NFIB: variants seen among roughly 807,000 people sequenced by gnomAD.
The protein encoded by NFIB is nuclear factor I B, also known as nuclear factor 1 B-type.
In NFIB, 11 loss-of-function variants were observed where a neutral mutation model predicts 61.5. The ratio of observed to expected loss-of-function variants is 0.18; its 90% CI spans 0.11 to 0.30. The LOEUF is 0.30. Among genes scored for constraint, NFIB ranks in the 10% least tolerant of loss-of-function variants. The pLI, the probability that NFIB is intolerant of heterozygous loss-of-function variation, is 1.00. For synonymous variants in NFIB, 260 were observed against 216.5 expected, an observed-to-expected ratio of 1.20 and a Z score of -1.76; for missense variants, 471 against 608.9, an observed-to-expected ratio of 0.77 and a Z score of 2.38.
At chr9:14,416,677 T>A in the NFIB span, among the ~76,000 whole-genome samples, 9 of 152,016 alleles carry the variant, frequency 5.9e-5, no homozygotes, top group African/African-American at 2.2e-4. Context: ...ATGTTACAAG[T>A]AAGCTAAGAC....
At chr9:14,235,175 G>T (rs2053618258) in intron 2 of NFIB, among the ~76,000 whole-genome samples, 1 of 152,110 alleles carries the variant, frequency 6.6e-6, no homozygotes, top group African/African-American at 2.4e-5. Flanking sequence ...CAGAAAAAAA[G>T]ACTTCACACT....
chr9:14,402,372 T>A (rs558720951), upstream of NFIB, among the ~76,000 whole-genome samples: 274 of 152,362 alleles, frequency 1.8e-3, 1 homozygote, highest in African/African-American at 5.8e-3. Flanking sequence ...CTCTGTACTT[T>A]GCTTCCAGCT....
chr9:14,426,231 A>C, the NFIB span, among the ~76,000 whole-genome samples: 1 of 152,120 alleles, frequency 6.6e-6, no homozygotes, highest in Admixed American at 6.5e-5. Context: ...TAATCTTACT[A>C]ATCACTCCAT....
chr9:14,264,562 T>TA (rs2057043602), intron 2 of NFIB, among the ~76,000 whole-genome samples: 1 of 152,162 alleles, frequency 6.6e-6, no homozygotes. Context: ...GATGAATTTT[T>TA]ATCTATCTGA....
At chr9:14,341,915 A>G (rs1383206143) in intron 1 of NFIB, among the ~76,000 whole-genome samples, 2 of 147,166 alleles carry the variant, frequency 1.4e-5, no homozygotes, top group African/African-American at 5.1e-5. Flanking sequence ...AACATTGCTT[A>G]GCTAGAGAGT....
At chr9:14,403,973 A>G (rs1286261033), upstream of NFIB, among the ~76,000 whole-genome samples, 1 of 152,240 alleles carries the variant, frequency 6.6e-6, no homozygotes, top group Non-Finnish European at 1.5e-5. Flanking sequence ...TTGGATAAAA[A>G]AAATTAACTT....
At chr9:14,322,111 G>C in intron 1 of NFIB, 7 of 1,215,156 alleles carry the variant, frequency 5.8e-6, no homozygotes, top group Non-Finnish European at 6.1e-6. Context: ...AAGCAATCCG[G>C]GAGTAGTCTT....
chr9:14,443,671 G>A, the NFIB span, among the ~76,000 whole-genome samples: 1 of 152,110 alleles, frequency 6.6e-6, no homozygotes, highest in African/African-American at 2.4e-5. Flanking sequence ...CCAGGCATTT[G>A]GCATTCTTGC....
At chr9:14,131,318 G>A (rs1263094649) in intron 6 of NFIB, among the ~76,000 whole-genome samples, 2 of 152,120 alleles carry the variant, frequency 1.3e-5, no homozygotes, top group Admixed American at 1.3e-4. Flanking sequence ...TAAGTATTTT[G>A]CAAAATCAAA....
intron 2 of NFIB, among the ~76,000 whole-genome samples, chr9:14,275,274 G>A (rs529655245): frequency 6.6e-6 from 1 of 152,242 alleles, no homozygotes; most frequent in Non-Finnish European, 1.5e-5. Flanking sequence ...GAGTAACTTA[G>A]AGTTCAATAT....
chr9:14,477,925 GACCCA>G, the NFIB span, among the ~76,000 whole-genome samples: 1 of 152,056 alleles, frequency 6.6e-6, no homozygotes, highest in Non-Finnish European at 1.5e-5. Context: ...ATGTCTTCCA[GACCCA>G]TAAGATCTAG....
chr9:14,160,352 T>C (rs529544285), intron 3 of NFIB, among the ~76,000 whole-genome samples: 14 of 152,290 alleles, frequency 9.2e-5, no homozygotes, highest in Admixed American at 8.5e-4. Context: ...ACCATTTGAA[T>C]GTTAAACAAC....
chr9:14,389,914 T>A (rs1437070180), intron 1 of NFIB, among the ~76,000 whole-genome samples: 1 of 152,220 alleles, frequency 6.6e-6, no homozygotes, highest in Non-Finnish European at 1.5e-5. Flanking sequence ...GGCAGTTGTG[T>A]CATGGATAAA....
At chr9:14,476,411 T>A in the NFIB span, among the ~76,000 whole-genome samples, 2 of 152,158 alleles carry the variant, frequency 1.3e-5, no homozygotes, top group African/African-American at 4.8e-5. Flanking sequence ...CTTCTCAAAC[T>A]TGGACAGTGA....
chr9:14,245,597 G>C (rs1388111443), intron 2 of NFIB, among the ~76,000 whole-genome samples: 1 of 152,160 alleles, frequency 6.6e-6, no homozygotes, highest in African/African-American at 2.4e-5. Context: ...ACATGGCCGG[G>C]CTCAGTGGCT....
At chr9:14,461,404 G>C in the NFIB span, among the ~76,000 whole-genome samples, 1 of 152,152 alleles carries the variant, frequency 6.6e-6, no homozygotes. Context: ...CCAACTAATT[G>C]ACTTTGTAAA....
At chr9:14,490,681 A>C in the NFIB span, among the ~76,000 whole-genome samples, 1 of 152,204 alleles carries the variant, frequency 6.6e-6, no homozygotes, top group Admixed American at 6.5e-5. Context: ...TGAAGGTTGA[A>C]TATACATAGG....
At chr9:14,284,786 A>C (rs1354678883) in intron 2 of NFIB, among the ~76,000 whole-genome samples, 1 of 152,226 alleles carries the variant, frequency 6.6e-6, no homozygotes, top group Non-Finnish European at 1.5e-5. Flanking sequence ...TTAATCTAGC[A>C]TAGGGTGAGT....
the NFIB span, among the ~76,000 whole-genome samples, chr9:14,453,066 T>A: frequency 2.0e-5 from 3 of 152,228 alleles, no homozygotes; most frequent in African/African-American, 7.2e-5. Flanking sequence ...CAGTGTGGCA[T>A]TCTCTTTAGA....
Sources: allele counts gnomAD v4.1 joint callset (sites outside exome capture counted in the v4.1 genomes callset), GRCh38; gene constraint gnomAD v4.1.1; transcripts MANE v1.5; gene names NCBI Gene and HGNC (gene_info 2026-07-23, HGNC 2026-07-21).